Variants in NCBP1 observed in about 807,000 individuals in gnomAD.
The protein encoded by NCBP1 is nuclear cap binding protein subunit 1, also known as nuclear cap-binding protein subunit 1.
In NCBP1, 16 loss-of-function variants were observed where a neutral mutation model predicts 111.7. That is an observed-to-expected ratio of 0.14 (90% CI 0.10 to 0.22). The LOEUF (loss-of-function observed/expected upper bound fraction) is 0.22. NCBP1 is among the 10% of genes least tolerant of loss of function. The probability of loss-of-function intolerance (pLI) is 1.00; values close to 1 mark genes in which losing one functional copy is unlikely to be tolerated. For missense variants in NCBP1, 607 were observed against 957.5 expected, an observed-to-expected ratio of 0.63 and a Z score of 4.83; for synonymous variants, 304 against 314.3, an observed-to-expected ratio of 0.97 and a Z score of 0.35.
chr9:97,671,068 C>G lies in NCBP1; in HGVS notation c.2260-18C>G, dbSNP rs371158193. 5.2e-4 allele frequency: 797 copies of G among 1,534,854 alleles called. 1 individual carries two copies. Among genetic ancestry groups the G allele is most frequent in the Middle Eastern group, 6.8e-4 (4 of 5,908 alleles). ...ATGCTTTTTCCTGACCTAACTACCC[C>G]CTTTTGTGTGTCCACAGCATCACCA... is the stretch of plus-strand genomic sequence containing the variant. On this transcript the variant is annotated intron_variant, in intron 22 of 22. Transcript: ENST00000375147.
chr9:97,641,721 T>C, intron 3 of NCBP1, 59 bp downstream of exon 3: 1 of 1,437,186 alleles, frequency 7.0e-7, no homozygotes, highest in East Asian at 2.6e-5. Flanking sequence ...TCTTAAATGC[T>C]TTGGGAAATG....
intron 3 of NCBP1, among the ~76,000 whole-genome samples, chr9:97,642,807 C>CA (rs970373723): frequency 6.6e-5 from 10 of 152,062 alleles, no homozygotes; most frequent in African/African-American, 2.4e-4. Context: ...GCACGCCCCC[C>CA]CTTAATGATT....
Position 97,656,080 on chromosome 9 carries a change from T to C in NCBP1, c.1368T>C (p.Cys456=), listed in dbSNP as rs1230051273. The C allele has an allele frequency of 6.2e-7, 1 of 1,613,218 alleles. No individual in the cohort carries two copies. The highest frequency in any genetic ancestry group is 1.7e-5 in the Admixed American group (1 of 60,024). ...PKFVREVLEK[C]MRLSYHQRIL... is the part of the protein sequence containing the mutation. The stretch of plus-strand genomic sequence containing the variant: ...TTGTAAGAGAAGTTCTAGAAAAATG[T>C]ATGAGGTAAGTTTTTTGTGTTTTCT... Residue 456 remains cysteine (C), a synonymous_variant, in exon 14 of 23, where the codon TGT becomes TGC. Coordinates refer to ENST00000375147, the MANE Select transcript of NCBP1 (RefSeq NM_002486.5).
chr9:97,658,510 T>A (rs920893445), intron 14 of NCBP1, 130 bp from the exon 15 acceptor site: 3 of 687,730 alleles, frequency 4.4e-6, no homozygotes, highest in Non-Finnish European at 5.0e-6. Context: ...AGGATTTTTT[T>A]TTCCCTTTCA....
intron 1 of NCBP1, among the ~76,000 whole-genome samples, chr9:97,639,339 A>G (rs180911567): frequency 1.6e-3 from 240 of 152,296 alleles, no homozygotes; most frequent in Admixed American, 3.7e-3. Context: ...ATTCAGCTTC[A>G]GTTCATGTGG....
intron 4 of NCBP1, 77 bp downstream of exon 4, chr9:97,643,437 T>A (rs1827253292): frequency 7.3e-7 from 1 of 1,362,224 alleles, no homozygotes; most frequent in African/African-American, 1.5e-5. Context: ...CCAAATAATT[T>A]AAAATGCTCT....
At chr9:97,660,044 G>A (rs10512254) in intron 15 of NCBP1, among the ~76,000 whole-genome samples, 3 of 151,992 alleles carry the variant, frequency 2.0e-5, no homozygotes, top group African/African-American at 7.3e-5. Context: ...TTTTTTAACC[G>A]TTAGCAAGCC....
At chr9:97,665,765 C>A (rs186553742) in intron 19 of NCBP1, among the ~76,000 whole-genome samples, 142 of 150,012 alleles carry the variant, frequency 9.5e-4, no homozygotes, top group African/African-American at 3.4e-3. Flanking sequence ...ACCCACCCCA[C>A]CCCACACAGT....
At chr9:97,640,698 G>A (rs1254346105) in intron 1 of NCBP1, 96 bp from the exon 2 acceptor site, 2 of 922,262 alleles carry the variant, frequency 2.2e-6, no homozygotes, top group East Asian at 2.5e-5. Flanking sequence ...AAAACATAGG[G>A]CCTGGTAGAA....
intron 2 of NCBP1, 133 bp from the exon 3 acceptor site, chr9:97,641,429 A>G (rs2131334382): frequency 1.5e-6 from 1 of 646,578 alleles, no homozygotes; most frequent in African/African-American, 1.9e-5. Flanking sequence ...AGCAATTGAA[A>G]GGACAGATGA....
rs1028293702 is a variant in NCBP1, at chr9:97,672,560, T to C, written c.*1361T>C. On this transcript the variant is annotated 3_prime_UTR_variant, in exon 23 of 23. Transcript: ENST00000375147. Reference sequence around the variant, plus strand: ...TGGCTAAATGTTTTCGTTTATACTGTTTATCTTTCCCATTGCTTAAGCACA... The same window carrying C: ...TGGCTAAATGTTTTCGTTTATACTGCTTATCTTTCCCATTGCTTAAGCACA... The C allele has an allele frequency of 1.3e-5, 2 of 152,146 alleles. No homozygotes were observed. The highest frequency in any genetic ancestry group is 4.8e-5 in the African/African-American group (2 of 41,400). The allele number at this position is 152,146 out of a possible 1,614,324, so 9.4% of individuals were successfully genotyped here.
intron 9 of NCBP1, among the ~76,000 whole-genome samples, 161 bp from the exon 10 acceptor site, chr9:97,651,149 C>T (rs1473210888): frequency 6.6e-6 from 1 of 152,104 alleles, no homozygotes; most frequent in Non-Finnish European, 1.5e-5. Flanking sequence ...TTGTGGTAGA[C>T]AGAATAATTT....
chr9:97,665,281 G>C (rs752106057), intron 19 of NCBP1, among the ~76,000 whole-genome samples: 1 of 152,224 alleles, frequency 6.6e-6, no homozygotes, highest in Non-Finnish European at 1.5e-5. Context: ...TAAACTCTCA[G>C]AAAACTAACC....
intron 8 of NCBP1, among the ~76,000 whole-genome samples, chr9:97,648,586 A>T (rs974308878): frequency 1.3e-5 from 2 of 152,232 alleles, no homozygotes; most frequent in Non-Finnish European, 2.9e-5. Context: ...AGGTAATAAT[A>T]ATAGTATACA....
At position 97,636,637 on chromosome 9, in the gene NCBP1, CATATATATATATATAT is replaced by C. The variant is rs377027165; in HGVS notation, c.34+2744_34+2759del. Reference sequence around the variant, plus strand: ...AGAAGCAAGCATATGGAAAGTAATACATATATATATATATATATATATATATATATATATATAAAAT... The same window carrying C: ...AGAAGCAAGCATATGGAAAGTAATACATATATATATATATATATATAAAAT... On this transcript the variant is annotated intron_variant, in intron 1 of 22. Transcript: ENST00000375147. Among the ~76,000 whole-genome samples the C allele has an allele frequency of 2.0e-3, 227 of 111,254 alleles. 3 individuals are homozygous for C. The East Asian group carries it at 0.038, about 19-fold the overall frequency. 73.0% of individuals were successfully genotyped at this position (111,254 alleles called of 152,430 possible).
chr9:97,636,655 T>TAC (rs1331424563), intron 1 of NCBP1, among the ~76,000 whole-genome samples: 1 of 134,856 alleles, frequency 7.4e-6, no homozygotes, highest in Non-Finnish European at 1.5e-5. Flanking sequence ...TATATATATA[T>TAC]ATATATATAT....
chr9:97,652,758 A>T (rs1038888394), intron 10 of NCBP1, among the ~76,000 whole-genome samples: 60 of 152,360 alleles, frequency 3.9e-4, no homozygotes, highest in African/African-American at 1.1e-3. Flanking sequence ...GTGCCTTTTT[A>T]AAAAAAGTAC....
chr9:97,663,835 C>T (rs1349625762), intron 18 of NCBP1, among the ~76,000 whole-genome samples: 1 of 151,726 alleles, frequency 6.6e-6, no homozygotes, highest in East Asian at 1.9e-4. Context: ...GTTTAGTCAA[C>T]CTGTTTCTTG....
Position 97,669,619 on chromosome 9 carries a change from C to T in NCBP1, c.2172C>T (p.His724=), listed in dbSNP as rs766698360. 3 of 1,611,822 alleles carry T rather than the reference C, an allele frequency of 1.9e-6. No individual in the cohort carries two copies. Among genetic ancestry groups the T allele is most frequent in the Non-Finnish European group, 1.7e-6 (2 of 1,177,982 alleles). Residue 724 remains histidine (H), a synonymous_variant, in exon 22 of 23, where the codon CAC becomes CAT. Transcript: ENST00000375147. Reference sequence around the variant, plus strand: ...GGTTTATCATGATCTTGACCGAGCACCTAGTACGATGCGAAACTGATGGGA... The same window carrying T: ...GGTTTATCATGATCTTGACCGAGCATCTAGTACGATGCGAAACTGATGGGA... ...FQRFIMILTE[H]LVRCETDGTS... is the part of the protein sequence containing the mutation.
Sources: allele counts gnomAD v4.1 joint callset (sites outside exome capture counted in the v4.1 genomes callset), GRCh38; gene constraint gnomAD v4.1.1; transcripts MANE v1.5; gene names NCBI Gene and HGNC (gene_info 2026-07-23, HGNC 2026-07-21).